Variants in ADAMTSL1 observed in about 807,000 individuals in gnomAD.
The protein encoded by ADAMTSL1 is ADAMTS-like protein 1.
ADAMTSL1 carries 126 observed loss-of-function variants against 201.8 expected under a neutral mutation model. The observed-to-expected ratio is 0.62, with a 90% CI of 0.54 to 0.72. The LOEUF (loss-of-function observed/expected upper bound fraction) is 0.72. Ranked by LOEUF, ADAMTSL1 falls within the 30% of genes least tolerant of loss-of-function variation. ADAMTSL1 has a pLI of 0.00. For synonymous variants in ADAMTSL1, 1,121 were observed against 903.4 expected (o/e 1.24, Z -4.32); for missense variants, 2,679 against 2,277.8 (o/e 1.18, Z -3.59).
At chr9:18,792,076 C>CAAAAAAA (rs372062110) in intron 19 of ADAMTSL1, among the ~76,000 whole-genome samples, 1,800 of 147,020 alleles carry the variant, frequency 0.012, 28 homozygotes, top group African/African-American at 0.037. Flanking sequence ...TAGTTGTATG[C>CAAAAAAA]AAAAAAAAAA....
At chr9:18,792,733 T>C (rs754989926) in intron 19 of ADAMTSL1, among the ~76,000 whole-genome samples, 3 of 152,200 alleles carry the variant, frequency 2.0e-5, no homozygotes, top group Non-Finnish European at 4.4e-5. Flanking sequence ...CTAAAACAGC[T>C]TGAACACCTG....
At chr9:18,830,016 G>C (rs988151426) in intron 23 of ADAMTSL1, 39 bp downstream of exon 23, 10 of 1,570,068 alleles carry the variant, frequency 6.4e-6, no homozygotes, top group Non-Finnish European at 8.6e-6. Context: ...AGAAAGCCAG[G>C]ACTGGACAGG....
intron 2 of ADAMTSL1, among the ~76,000 whole-genome samples, chr9:18,527,375 G>T (rs563913460): frequency 6.6e-6 from 1 of 152,294 alleles, no homozygotes; most frequent in African/African-American, 2.4e-5. Flanking sequence ...TTGAAACAAT[G>T]TATTGACATC....
intron 1 of ADAMTSL1, among the ~76,000 whole-genome samples, chr9:17,985,991 C>A (rs1818913094): frequency 6.6e-6 from 1 of 152,072 alleles, no homozygotes; most frequent in Non-Finnish European, 1.5e-5. Context: ...GGTCAAGAAA[C>A]AACAAATGGT....
intron 25 of ADAMTSL1, 58 bp downstream of exon 25, chr9:18,889,806 A>G (rs1829134670): frequency 2.1e-6 from 3 of 1,395,522 alleles, no homozygotes; most frequent in East Asian, 2.8e-5. Flanking sequence ...CCTCCCTGTT[A>G]GCGAAGTCAG....
chr9:17,971,217 A>T (rs1041732450), intron 1 of ADAMTSL1, among the ~76,000 whole-genome samples: 1 of 152,026 alleles, frequency 6.6e-6, no homozygotes, highest in Non-Finnish European at 1.5e-5. Context: ...AAATGTAGTC[A>T]AGCAAACTGA....
At chr9:18,308,698 C>T (rs969402096) in intron 2 of ADAMTSL1, among the ~76,000 whole-genome samples, 1 of 152,096 alleles carries the variant, frequency 6.6e-6, no homozygotes, top group Non-Finnish European at 1.5e-5. Flanking sequence ...TAATTAATAG[C>T]CTACCAACCA....
intron 2 of ADAMTSL1, among the ~76,000 whole-genome samples, chr9:18,342,967 G>T (rs1319465285): frequency 6.6e-6 from 1 of 152,016 alleles, no homozygotes; most frequent in African/African-American, 2.4e-5. Flanking sequence ...TAATGGAAAT[G>T]AGCATAATTC....
At chr9:17,943,001 A>G (rs567254078) in intron 1 of ADAMTSL1, among the ~76,000 whole-genome samples, 5 of 152,240 alleles carry the variant, frequency 3.3e-5, no homozygotes, top group African/African-American at 1.2e-4. Flanking sequence ...GGCTTACTGC[A>G]GCCTCAATCT....
In ADAMTSL1 at chr9:17,909,563, C is replaced by G. The variant is rs1191970913; in HGVS notation, c.87+2641C>G. ...TTTATTGCAGCATTATTCACAATAG[C>G]AAAGACTTGGAACCAACCCAAATGT... is the stretch of plus-strand genomic sequence containing the variant. On this transcript the variant is annotated intron_variant, in intron 1 of 29. Transcript: ENST00000680146. 7.3e-5 allele frequency among the ~76,000 whole-genome samples: 5 copies of G among 68,066 alleles called. 2 individuals are homozygous for G. The highest frequency in any genetic ancestry group is 3.6e-4 in the Admixed American group (2 of 5,576). The allele number at this position is 68,066 out of a possible 152,430, so 44.7% of individuals were successfully genotyped here.
At chr9:18,616,570 C>T (rs376347310) in intron 4 of ADAMTSL1, among the ~76,000 whole-genome samples, 32 of 151,530 alleles carry the variant, frequency 2.1e-4, no homozygotes, top group Middle Eastern at 3.4e-3. Flanking sequence ...CTATAAAGAA[C>T]ACATTATTGC....
At chr9:18,835,261 TTTC>T (rs899394113) in intron 23 of ADAMTSL1, among the ~76,000 whole-genome samples, 59 of 152,166 alleles carry the variant, frequency 3.9e-4, no homozygotes, top group Non-Finnish European at 7.2e-4. Context: ...GCCATCCTGA[TTTC>T]TTCTTTGGTA....
intron 3 of ADAMTSL1, among the ~76,000 whole-genome samples, chr9:18,568,085 G>T (rs1822052959): frequency 6.6e-6 from 1 of 152,150 alleles, no homozygotes; most frequent in African/African-American, 2.4e-5. Flanking sequence ...AACTGTGGGT[G>T]ACTGTGTGTA....
intron 2 of ADAMTSL1, among the ~76,000 whole-genome samples, chr9:18,414,543 G>A (rs1420423889): frequency 6.6e-6 from 1 of 152,172 alleles, no homozygotes; most frequent in African/African-American, 2.4e-5. Context: ...CGGATGTCAG[G>A]CAGTGATCTC....
At chr9:18,467,790 C>T (rs570094059) in intron 2 of ADAMTSL1, among the ~76,000 whole-genome samples, 2 of 152,290 alleles carry the variant, frequency 1.3e-5, no homozygotes, top group Non-Finnish European at 2.9e-5. Context: ...GCATGGCTTT[C>T]TATTATCCTG....
rs200822627 is a variant in ADAMTSL1 at position 18,680,333 on chromosome 9, C to T, written c.1158C>T (p.Thr386=). The change falls in exon 11 of 29, where the codon ACC becomes ACT. Residue 386 remains threonine (T), a synonymous_variant. Transcript: ENST00000380548. ...GTAGGTGGGAGGCCACCCCATGGAC[C>T]GCGTGCTCCTCCTCGTGTGGGGGGG... ...PLPRWEATPW[T]ACSSSCGGGI... 26 of 1,614,050 alleles carry T rather than the reference C, an allele frequency of 1.6e-5. No individual in the cohort carries two copies. The highest frequency in any genetic ancestry group is 4.0e-5 in the African/African-American group (3 of 75,020).
intron 20 of ADAMTSL1, among the ~76,000 whole-genome samples, chr9:18,797,334 G>C (rs1251093917): frequency 6.6e-6 from 1 of 152,204 alleles, no homozygotes; most frequent in Non-Finnish European, 1.5e-5. Flanking sequence ...CCTTACCTGA[G>C]TTTATCATCC....
chr9:17,977,643 T>C (rs954203174), intron 1 of ADAMTSL1, among the ~76,000 whole-genome samples: 22 of 152,196 alleles, frequency 1.4e-4, no homozygotes, highest in African/African-American at 5.3e-4. Flanking sequence ...TCAGTTGTAA[T>C]GTCTCTTCTT....
At chr9:18,622,215 T>C in intron 4 of ADAMTSL1, 28 bp from the exon 5 acceptor site, 2 of 1,610,966 alleles carry the variant, frequency 1.2e-6, no homozygotes, top group Non-Finnish European at 1.7e-6. Flanking sequence ...GGTGCTTGGT[T>C]GAATTACACA....
Sources: allele counts gnomAD v4.1 joint callset (sites outside exome capture counted in the v4.1 genomes callset), GRCh38; gene constraint gnomAD v4.1.1; transcripts MANE v1.5; gene names NCBI Gene and HGNC (gene_info 2026-07-23, HGNC 2026-07-21).